TMEM232: variants seen among roughly 807,000 people sequenced by gnomAD.
TMEM232 encodes the protein transmembrane protein 232.
TMEM232 carries 80 observed loss-of-function variants against 78.8 expected under a neutral mutation model. The observed-to-expected ratio is 1.01, with a 90% CI of 0.85 to 1.22. TMEM232 has a LOEUF of 1.22. TMEM232 is among the 50% of genes most tolerant of loss of function. TMEM232 has a pLI of 0.00. For synonymous variants in TMEM232, 297 were observed against 254.3 expected, an observed-to-expected ratio of 1.17 and a Z score of -1.60; for missense variants, 881 against 742.2, an observed-to-expected ratio of 1.19 and a Z score of -2.17.
At position 110,667,260 on chromosome 5, in the gene TMEM232, T is replaced by C. The variant is rs1248006774; in HGVS notation, c.93A>G (p.Gln31=). Residue 31 remains glutamine, a synonymous_variant, in exon 2 of 14, where the codon CAA becomes CAG. Transcript: ENST00000455884. The part of the protein sequence containing the change: ...YHEELWKLNF[Q]HLSGERGHKS... ...TATGACCCCTTTCTCCACTTAAATG[T>C]TGAAAATTTAATTTCCAGAGCTCTT... 1 of 1,547,154 alleles carries C rather than the reference T, an allele frequency of 6.5e-7. No homozygotes were observed. The highest frequency in any genetic ancestry group is 2.0e-5 in the Admixed American group (1 of 50,690).
At chr5:110,698,680 A>G (rs1795087472) in intron 1 of TMEM232, among the ~76,000 whole-genome samples, 1 of 151,990 alleles carries the variant, frequency 6.6e-6, no homozygotes, top group South Asian at 2.1e-4. Context: ...GGTCTAAATT[A>G]GCTTTACTTA....
At chr5:110,419,094 A>G (rs943699725), downstream of TMEM232, among the ~76,000 whole-genome samples, 2 of 152,070 alleles carry the variant, frequency 1.3e-5, no homozygotes, top group Admixed American at 6.6e-5. Context: ...AGAAGGAGAT[A>G]GTGAATAGTT....
intron 12 of TMEM232, among the ~76,000 whole-genome samples, chr5:110,434,451 T>G (rs548020138): frequency 6.6e-6 from 1 of 151,494 alleles, no homozygotes; most frequent in Non-Finnish European, 1.5e-5. Context: ...ATTAAAACGT[T>G]GAATAAGTAA....
intron 12 of TMEM232, among the ~76,000 whole-genome samples, chr5:110,507,485 C>G (rs377432916): frequency 1.3e-5 from 2 of 152,252 alleles, no homozygotes; most frequent in East Asian, 3.9e-4. Flanking sequence ...TGGGTTAATC[C>G]AACTCATACT....
At position 110,606,282 on chromosome 5, in the gene TMEM232, T is replaced by C; in HGVS notation, c.908A>G (p.Asp303Gly). The change falls in exon 9 of 14, where the codon GAT (aspartate) becomes GGT (glycine). Residue 303 changes from aspartate to glycine, a missense_variant. Asp to Gly is a moderately conservative substitution (Grantham distance 94). Transcript: ENST00000455884. ...AAGGACCAGTAAAGCCAGTACTGAA[T>C]CCAACCTGAAAATTTTATGGACGAA... ...KTQLQKKCWL[D>G]SVLALLVLGE... 6.6e-7 allele frequency: 1 copy of C among 1,521,916 alleles called. No homozygotes were observed. The highest frequency in any genetic ancestry group is 8.8e-7 in the Non-Finnish European group (1 of 1,130,790). The allele number at this position is 1,521,916 out of a possible 1,614,324, so 94.3% of individuals were successfully genotyped here. A position where few individuals can be genotyped will look rare whatever the true frequency, so the allele number is the denominator to read the frequency against.
chr5:110,687,739 TAC>T (rs767445045), intron 1 of TMEM232, among the ~76,000 whole-genome samples: 1 of 151,750 alleles, frequency 6.6e-6, no homozygotes, highest in African/African-American at 2.4e-5. Flanking sequence ...TGTGTGTATA[TAC>T]ACACACACAC....
At position 110,446,020 on chromosome 5, in the gene TMEM232, T is replaced by G. The variant is rs1026862391; in HGVS notation, c.1704-21104A>C. On this transcript the variant is annotated intron_variant, in intron 12 of 13. Coordinates refer to ENST00000455884, the MANE Select transcript of TMEM232 (RefSeq NM_001039763.4). ...AAGAGATTACACAGGAACAGAGATA[T>G]CAGAGGCTAGGATCACCGGAGGCCA... Among the ~76,000 whole-genome samples the G allele has an allele frequency of 7.9e-5, 12 of 152,266 alleles. 1 individual carries two copies. The highest frequency in any genetic ancestry group is 7.7e-4 in the East Asian group (4 of 5,174).
intron 1 of TMEM232, among the ~76,000 whole-genome samples, chr5:110,673,123 A>G (rs1452315137): frequency 6.6e-6 from 1 of 152,212 alleles, no homozygotes; most frequent in African/African-American, 2.4e-5. Flanking sequence ...CTATGCAGCC[A>G]TAAAAAATGA....
intron 8 of TMEM232, among the ~76,000 whole-genome samples, chr5:110,609,845 A>G (rs1489996492): frequency 1.5e-4 from 23 of 152,116 alleles, no homozygotes; most frequent in Middle Eastern, 3.2e-3. Flanking sequence ...AGGGAACTAT[A>G]TAAGACTAAG....
chr5:110,591,066 G>T (rs1033156287), intron 10 of TMEM232, among the ~76,000 whole-genome samples: 10 of 152,220 alleles, frequency 6.6e-5, no homozygotes, highest in African/African-American at 2.4e-4. Context: ...AACCATATCA[G>T]GAGTCATTAT....
rs150416965 is a variant in TMEM232 at position 110,599,262 on chromosome 5, C to G, written c.1276+5847G>C. ...TGACACTATGAAGAAACTGCATCAA[C>G]TACTGTGCAAAATAACCAGCTAGCA... On this transcript the variant is annotated intron_variant, in intron 10 of 13. Transcript: ENST00000455884. Among the ~76,000 whole-genome samples, 471 of 152,210 alleles carry G rather than the reference C, an allele frequency of 3.1e-3. 1 individual carries two copies. Among genetic ancestry groups the G allele is most frequent in the African/African-American group, 0.011 (455 of 41,544 alleles).
intron 12 of TMEM232, among the ~76,000 whole-genome samples, chr5:110,435,871 T>C (rs1758376165): frequency 6.6e-6 from 1 of 152,054 alleles, no homozygotes; most frequent in Non-Finnish European, 1.5e-5. Context: ...GATGGACACT[T>C]GGGTTGCTTC....
chr5:110,605,037 A>T (rs1781372355), intron 10 of TMEM232, 72 bp downstream of exon 10: 1 of 1,374,038 alleles, frequency 7.3e-7, no homozygotes, highest in Admixed American at 2.9e-5. Context: ...CTTTGAGTAG[A>T]ATGCTTATTA....
chr5:110,649,989 A>G (rs1389113999), intron 2 of TMEM232, among the ~76,000 whole-genome samples: 1 of 152,038 alleles, frequency 6.6e-6, no homozygotes, highest in Non-Finnish European at 1.5e-5. Flanking sequence ...ATATTTCATG[A>G]GTTGCTTTGA....
At chr5:110,489,450 T>C (rs945876945) in intron 12 of TMEM232, among the ~76,000 whole-genome samples, 1 of 151,926 alleles carries the variant, frequency 6.6e-6, no homozygotes, top group Non-Finnish European at 1.5e-5. Flanking sequence ...TTTGACAAAA[T>C]CAACACACTT....
chr5:110,530,721 G>C (rs769637362), intron 11 of TMEM232, among the ~76,000 whole-genome samples: 2 of 152,116 alleles, frequency 1.3e-5, no homozygotes, highest in Non-Finnish European at 1.5e-5. Context: ...AGGGGCTGAC[G>C]GGTGAAGGGC....
At chr5:110,460,223 A>T (rs1208555996) in intron 12 of TMEM232, among the ~76,000 whole-genome samples, 5 of 152,102 alleles carry the variant, frequency 3.3e-5, no homozygotes, top group African/African-American at 1.2e-4. Flanking sequence ...TGAGGAATAC[A>T]CTGGGGTGTT....
intron 2 of TMEM232, among the ~76,000 whole-genome samples, chr5:110,401,669 C>G (rs977553971): frequency 1.2e-4 from 19 of 152,070 alleles, no homozygotes; most frequent in Non-Finnish European, 2.8e-4. Flanking sequence ...TCAAATATCA[C>G]AGCCCAGCTT....
intron 1 of TMEM232, among the ~76,000 whole-genome samples, chr5:110,691,040 T>G (rs1274885535): frequency 1.3e-5 from 2 of 151,054 alleles, no homozygotes; most frequent in Non-Finnish European, 2.9e-5. Flanking sequence ...GGCTGATGGG[T>G]GCAGCAAACC....
Sources: gnomAD v4.1 joint callset for allele counts (sites outside exome capture counted in the v4.1 genomes callset) on GRCh38, gnomAD v4.1.1 for gene constraint, MANE v1.5 for transcripts, NCBI Gene and HGNC (gene_info 2026-07-23, HGNC 2026-07-21) for gene names.